The following NFX1 variants were observed in gnomAD, a reference collection of about 807,000 sequenced individuals.
The protein encoded by NFX1 is nuclear transcription factor, X-box binding 1.
Under a neutral mutation model 137.2 loss-of-function variants are expected in NFX1, and 69 were observed. That is an observed-to-expected ratio of 0.50 (90% CI 0.41 to 0.61). NFX1 has a LOEUF of 0.61. NFX1 is among the 20% of genes least tolerant of loss of function. The probability of loss-of-function intolerance (pLI) is 0.00; values close to 1 mark genes in which losing one functional copy is unlikely to be tolerated. For synonymous variants in NFX1, 495 were observed against 474.1 expected (o/e 1.04, Z -0.57); for missense variants, 1,167 against 1,391.0 (o/e 0.84, Z 2.56).
At chr9:33,329,819 C>T (rs1001217041) in intron 10 of NFX1, among the ~76,000 whole-genome samples, 13 of 151,896 alleles carry the variant, frequency 8.6e-5, no homozygotes, top group Admixed American at 3.9e-4. Context: ...CCATCACACC[C>T]GGCTAATTTT....
At chr9:33,334,923 T>C (rs1822942494) in intron 11 of NFX1, among the ~76,000 whole-genome samples, 1 of 152,220 alleles carries the variant, frequency 6.6e-6, no homozygotes, top group Admixed American at 6.6e-5. Flanking sequence ...GAAACTGGTA[T>C]AATGAATCCC....
At chr9:33,314,493 A>G (rs1822082469) in intron 7 of NFX1, among the ~76,000 whole-genome samples, 1 of 151,646 alleles carries the variant, frequency 6.6e-6, no homozygotes. Flanking sequence ...CCTGGCCAGC[A>G]TGGTGAAACC....
At chr9:33,322,800 G>A (rs1470771043) in intron 9 of NFX1, among the ~76,000 whole-genome samples, 2 of 152,196 alleles carry the variant, frequency 1.3e-5, no homozygotes, top group African/African-American at 4.8e-5. Flanking sequence ...TTGAAACAGT[G>A]TGGGGAAGTA....
In NFX1 at chr9:33,349,214, G is replaced by A. The variant is rs1587867283; in HGVS notation, c.2424+2097G>A. 2.0e-5 allele frequency among the ~76,000 whole-genome samples: 3 copies of A among 152,196 alleles called. No homozygotes were observed. In the South Asian group the frequency reaches 6.2e-4, roughly 31 times the overall value. On this transcript the variant is annotated intron_variant, in intron 15 of 23. Transcript: ENST00000379540. ...GTTTGGGTGCTTTGGAAGTGAACGA[G>A]ACTAACCCTTGCCCTTATGAAGCCT... is the stretch of plus-strand genomic sequence containing the variant.
chr9:33,334,006 A>G (rs1444068911), intron 11 of NFX1, among the ~76,000 whole-genome samples: 1 of 152,096 alleles, frequency 6.6e-6, no homozygotes, highest in African/African-American at 2.4e-5. Context: ...TTAGCCAAGT[A>G]CAGTGGCGCA....
At chr9:33,329,693 CCAT>C (rs1822730415) in intron 10 of NFX1, among the ~76,000 whole-genome samples, 1 of 151,698 alleles carries the variant, frequency 6.6e-6, no homozygotes, top group Non-Finnish European at 1.5e-5. Flanking sequence ...GAGTCTCACT[CCAT>C]CACCCAGGAT....
At chr9:33,335,396 A>G (rs905141886) in intron 11 of NFX1, among the ~76,000 whole-genome samples, 6 of 151,630 alleles carry the variant, frequency 4.0e-5, no homozygotes, top group African/African-American at 1.5e-4. Flanking sequence ...ATGCCTGGCT[A>G]ATTTTTTTGT....
rs778162686 is a variant in NFX1, at chr9:33,318,934, A to G, written c.1713A>G (p.Thr571=). 3 of 1,614,252 alleles carry G rather than the reference A, an allele frequency of 1.9e-6. No individual in the cohort carries two copies. The highest frequency in any genetic ancestry group is 2.2e-5 in the East Asian group (1 of 44,892). ...GGGACTTGAAATGCGGTAACCATACATGTTCGCAAGTGTGCCACCCTCAGC... is the reference window on the plus strand; with the variant it reads ...GGGACTTGAAATGCGGTAACCATACGTGTTCGCAAGTGTGCCACCCTCAGC... ...CGKDLKCGNH[T]CSQVCHPQPC... The change falls in exon 9 of 24, where the codon ACA becomes ACG. Residue 571 remains threonine, a synonymous_variant. Coordinates refer to ENST00000379540, the MANE Select transcript of NFX1 (RefSeq NM_002504.6).
chr9:33,312,022 T>G (rs529865270), intron 6 of NFX1, among the ~76,000 whole-genome samples: 2 of 152,296 alleles, frequency 1.3e-5, no homozygotes, highest in African/African-American at 4.8e-5. Context: ...CCCACCCTTG[T>G]TCCATTATAA....
At chr9:33,342,087 G>A (rs2118572164) in intron 12 of NFX1, among the ~76,000 whole-genome samples, 2 of 151,894 alleles carry the variant, frequency 1.3e-5, no homozygotes, top group South Asian at 4.2e-4. Context: ...CCACACTCCA[G>A]CCTGGGCAAC....
intron 9 of NFX1, among the ~76,000 whole-genome samples, chr9:33,319,965 C>T (rs11788466): frequency 0.052 from 7,348 of 140,024 alleles, 224 homozygotes; most frequent in East Asian, 0.088. Flanking sequence ...CTTTTCTTTT[C>T]TTTTTTTTTT....
At chr9:33,359,222 A>C (rs1823913642) in intron 19 of NFX1, among the ~76,000 whole-genome samples, 1 of 149,578 alleles carries the variant, frequency 6.7e-6, no homozygotes, top group Middle Eastern at 3.2e-3. Flanking sequence ...CCTTCTTTCC[A>C]ATTCTTAACT....
At chr9:33,366,185 AC>A (rs372639564) in intron 21 of NFX1, among the ~76,000 whole-genome samples, 22 of 151,976 alleles carry the variant, frequency 1.4e-4, no homozygotes, top group African/African-American at 5.3e-4. Flanking sequence ...TAATTAAGAA[AC>A]CCCAACAGAT....
intron 9 of NFX1, among the ~76,000 whole-genome samples, chr9:33,323,546 A>C (rs1197646211): frequency 1.1e-4 from 16 of 151,972 alleles, no homozygotes; most frequent in Non-Finnish European, 2.2e-4. Context: ...CGAGGTCAGG[A>C]GTTCAAGACC....
chr9:33,324,384 AAAT>A (rs909940405), intron 9 of NFX1, among the ~76,000 whole-genome samples: 1 of 151,986 alleles, frequency 6.6e-6, no homozygotes, highest in African/African-American at 2.4e-5. Context: ...ATCTCAAAAA[AAAT>A]AATAATAATT....
chr9:33,342,533 A>G (rs1016163777), intron 12 of NFX1, among the ~76,000 whole-genome samples: 3 of 152,234 alleles, frequency 2.0e-5, no homozygotes, highest in East Asian at 1.9e-4. Flanking sequence ...TCCCATATAC[A>G]CAACATCCAG....
intron 4 of NFX1, among the ~76,000 whole-genome samples, chr9:33,305,526 G>C (rs984499139): frequency 2.6e-5 from 4 of 152,220 alleles, no homozygotes; most frequent in Non-Finnish European, 5.9e-5. Context: ...GCTGTGGGAA[G>C]CCACTGAGGG....
intron 19 of NFX1, among the ~76,000 whole-genome samples, chr9:33,360,857 G>C (rs1471205378): frequency 1.3e-5 from 2 of 152,206 alleles, no homozygotes; most frequent in Non-Finnish European, 2.9e-5. Context: ...GTGTGAACCA[G>C]ATTCTTGTGG....
At chr9:33,295,492 T>C (rs1821322602) in intron 2 of NFX1, 65 bp downstream of exon 2, 5 of 1,460,400 alleles carry the variant, frequency 3.4e-6, no homozygotes, top group Non-Finnish European at 4.6e-6. Flanking sequence ...ATAAGTCATA[T>C]ATTCACATAA....
Sources: gnomAD v4.1 joint callset for allele counts (sites outside exome capture counted in the v4.1 genomes callset) on GRCh38, gnomAD v4.1.1 for gene constraint, MANE v1.5 for transcripts, NCBI Gene and HGNC (gene_info 2026-07-23, HGNC 2026-07-21) for gene names.